Variants in FCRL3 observed in about 807,000 individuals in gnomAD.
FCRL3 encodes Fc receptor like 3, also known as Fc receptor-like protein 3.
FCRL3 carries 89 observed loss-of-function variants against 75.0 expected under a neutral mutation model. The observed-to-expected ratio is 1.19, with a 90% confidence interval of 1.00 to 1.42. The LOEUF is 1.42. FCRL3 is among the 40% of genes most tolerant of loss of function. The pLI, the probability that FCRL3 is intolerant of heterozygous loss-of-function variation, is 0.00. For missense variants in FCRL3, 946 were observed against 880.0 expected, an observed-to-expected ratio of 1.07 and a Z score of -0.95; for synonymous variants, 376 against 348.5, an observed-to-expected ratio of 1.08 and a Z score of -0.88.
chr1:157,688,729 A>C (rs1557826475), intron 10 of FCRL3, among the ~76,000 whole-genome samples: 1 of 152,236 alleles, frequency 6.6e-6, no homozygotes, highest in East Asian at 1.9e-4. Context: ...TTCCTTTGAG[A>C]CCAAATCATA....
Position 157,686,539 on chromosome 1 carries a change from T to C in FCRL3, c.1810+3259A>G, listed in dbSNP as rs143367589. Among the ~76,000 whole-genome samples, 6 of 152,268 alleles carry C rather than the reference T, an allele frequency of 3.9e-5. No individual in the cohort carries two copies. In the East Asian group the frequency reaches 9.6e-4, roughly 24 times the overall value. On this transcript the variant is annotated intron_variant, in intron 10 of 14. Transcript: ENST00000368184. ...CATCACACCTCACAACTTCAAACTATACTATAAGCCTACAGTAATCAAAAT... is the reference window on the plus strand; with the variant it reads ...CATCACACCTCACAACTTCAAACTACACTATAAGCCTACAGTAATCAAAAT...
intron 10 of FCRL3, among the ~76,000 whole-genome samples, chr1:157,688,419 A>G (rs1655308149): frequency 6.6e-6 from 1 of 152,150 alleles, no homozygotes; most frequent in African/African-American, 2.4e-5. Context: ...ATAATGAGCA[A>G]TTCCAAATTC....
Position 157,677,313 on chromosome 1 carries a change from C to T in FCRL3, c.*1397G>A. 2 of 987,534 alleles carry T rather than the reference C, an allele frequency of 2.0e-6. No homozygotes were observed. Among genetic ancestry groups the T allele is most frequent in the South Asian group, 4.7e-5 (1 of 21,464 alleles). 61.2% of individuals were successfully genotyped at this position (987,534 alleles called of 1,614,324 possible). On this transcript the variant is annotated 3_prime_UTR_variant, in exon 15 of 15. Coordinates refer to ENST00000368184, the MANE Select transcript of FCRL3 (RefSeq NM_052939.4). ...TCCAGAAATGGTGATTGTTTGAATG[C>T]ATGTAAGACATTCCCTAGGGACTCC...
At chr1:157,685,717 A>G (rs1015611228) in intron 10 of FCRL3, among the ~76,000 whole-genome samples, 2 of 152,286 alleles carry the variant, frequency 1.3e-5, no homozygotes, top group African/African-American at 4.8e-5. Flanking sequence ...AGCAGATATC[A>G]ATAAATTTTT....
At position 157,689,931 on chromosome 1, in the gene FCRL3, G is replaced by A. The variant is rs1655409427; in HGVS notation, c.1691-14C>T. The A allele has an allele frequency of 2.5e-6, 4 of 1,613,884 alleles. No homozygotes were observed. The highest frequency in any genetic ancestry group is 3.4e-6 in the Non-Finnish European group (4 of 1,179,798). On this transcript the variant is annotated splice_polypyrimidine_tract_variant and intron_variant, in intron 9 of 14. Transcript: ENST00000368184. ...TCCTGGAAGTTCCTGAGTGGAGGGA[G>A]CTGTACTTGAGTTTCAGTGGCACAG...
intron 12 of FCRL3, 101 bp downstream of exon 12, chr1:157,680,880 A>T: frequency 7.0e-7 from 1 of 1,435,240 alleles, no homozygotes; most frequent in Non-Finnish European, 9.7e-7. Flanking sequence ...AATGCTAGGA[A>T]TGTCATTTTT....
At chr1:157,693,028 C>T (rs1228816816) in intron 8 of FCRL3, among the ~76,000 whole-genome samples, 1 of 152,056 alleles carries the variant, frequency 6.6e-6, no homozygotes, top group African/African-American at 2.4e-5. Context: ...GTAATTCTAG[C>T]ACTTTGGGAG....
At chr1:157,688,867 T>C (rs1021323564) in intron 10 of FCRL3, among the ~76,000 whole-genome samples, 1 of 152,264 alleles carries the variant, frequency 6.6e-6, no homozygotes, top group Admixed American at 6.5e-5. Flanking sequence ...CCCAGAAATA[T>C]AAGGCTACTT....
intron 8 of FCRL3, among the ~76,000 whole-genome samples, chr1:157,690,999 CTATG>C (rs57070872): frequency 1.9e-3 from 276 of 148,990 alleles, no homozygotes; most frequent in African/African-American, 4.6e-3. Context: ...TGACATCTGT[CTATG>C]TATGTATGTA....
At chr1:157,687,178 TA>T in intron 10 of FCRL3, among the ~76,000 whole-genome samples, 1 of 150,376 alleles carries the variant, frequency 6.6e-6, no homozygotes, top group South Asian at 2.1e-4. Context: ...CCAACAAACA[TA>T]AAAAAATGCT....
intron 13 of FCRL3, 24 bp from the exon 14 acceptor site, chr1:157,678,997 A>G (rs1358939436): frequency 6.2e-7 from 1 of 1,613,922 alleles, no homozygotes; most frequent in South Asian, 1.1e-5. Context: ...GTAGCAAAGA[A>G]AAGTATTAAA....
intron 8 of FCRL3, among the ~76,000 whole-genome samples, chr1:157,691,517 C>T (rs1655542853): frequency 6.6e-6 from 1 of 152,194 alleles, no homozygotes; most frequent in Non-Finnish European, 1.5e-5. Flanking sequence ...GAGCCATCTG[C>T]TGGCTGCAAG....
At position 157,697,135 on chromosome 1, in the gene FCRL3, C is replaced by T; in HGVS notation, c.844+5G>A. On this transcript the variant is annotated splice_donor_5th_base_variant and intron_variant, in intron 6 of 14. Coordinates refer to ENST00000368184, the MANE Select transcript of FCRL3 (RefSeq NM_052939.4). ...CTCTGGAAGAGCAGCCCCTTAGACACTCACTCTGTACACGTATCTGAGATC... is the reference window on the plus strand; with the variant it reads ...CTCTGGAAGAGCAGCCCCTTAGACATTCACTCTGTACACGTATCTGAGATC... The T allele has an allele frequency of 6.9e-7, 1 of 1,456,106 alleles. No individual in the cohort carries two copies. The highest frequency in any genetic ancestry group is 9.1e-7 in the Non-Finnish European group (1 of 1,100,148). 90.2% of individuals were successfully genotyped at this position (1,456,106 alleles called of 1,614,324 possible). A position where few individuals can be genotyped will look rare whatever the true frequency, so the allele number is the denominator to read the frequency against.
intron 5 of FCRL3, 31 bp from the exon 6 acceptor site, chr1:157,697,455 G>A: frequency 1.3e-6 from 2 of 1,525,584 alleles, no homozygotes; most frequent in Middle Eastern, 2.0e-4. Flanking sequence ...AGTCTCCAGG[G>A]TGGTGAGGCT....
intron 10 of FCRL3, among the ~76,000 whole-genome samples, chr1:157,685,615 T>C (rs1283514506): frequency 6.6e-6 from 1 of 152,102 alleles, no homozygotes; most frequent in Non-Finnish European, 1.5e-5. Context: ...AACACACATC[T>C]ACAGAATATT....
chr1:157,680,946 T>C, intron 12 of FCRL3, 35 bp downstream of exon 12: 1 of 1,532,744 alleles, frequency 6.5e-7, no homozygotes, highest in Non-Finnish European at 8.8e-7. Context: ...CCCTGGCTCC[T>C]CCCTAGAGCC....
intron 11 of FCRL3, among the ~76,000 whole-genome samples, chr1:157,681,593 T>G (rs1654854028): frequency 6.6e-6 from 1 of 152,144 alleles, no homozygotes; most frequent in Non-Finnish European, 1.5e-5. Flanking sequence ...TACAGCTGCA[T>G]AGTATTCCAT....
At chr1:157,696,663 T>C in intron 6 of FCRL3, 1 of 314,518 alleles carries the variant, frequency 3.2e-6, no homozygotes. Flanking sequence ...ATCCTCTGTT[T>C]TGAAGATCAA....
Position 157,696,256 on chromosome 1 carries a change from C to T in FCRL3, c.916G>A (p.Val306Ile). ...CCCTGGGCTACTGAGCAAATAAGGA[C>T]CATATTTTCTCCTTCAATCAGCTGC... ...GGQLIEGENM[V>I]LICSVAQGSG... is the part of the protein sequence containing the mutation. Residue 306 changes from valine to isoleucine, a missense_variant, in exon 7 of 15, where the codon GTC (valine) becomes ATC (isoleucine). Coordinates refer to ENST00000368184, the MANE Select transcript of FCRL3 (RefSeq NM_052939.4). 6.2e-7 allele frequency: 1 copy of T among 1,614,016 alleles called. No individual in the cohort carries two copies. Among genetic ancestry groups the T allele is most frequent in the Admixed American group, 1.7e-5 (1 of 60,018 alleles).
Sources: gnomAD v4.1 joint callset for allele counts (sites outside exome capture counted in the v4.1 genomes callset) on GRCh38, gnomAD v4.1.1 for gene constraint, MANE v1.5 for transcripts, NCBI Gene and HGNC (gene_info 2026-07-23, HGNC 2026-07-21) for gene names.